The following ST8SIA5 variants were observed in gnomAD, a reference collection of about 807,000 sequenced individuals.
ST8SIA5 encodes ST8 alpha-N-acetyl-neuraminide alpha-2,8-sialyltransferase 5, also known as alpha-2,8-sialyltransferase 8E.
Under a neutral mutation model 40.2 loss-of-function variants are expected in ST8SIA5, and 24 were observed. That is an observed-to-expected ratio of 0.60 (90% CI 0.43 to 0.84). ST8SIA5 has a LOEUF of 0.84. ST8SIA5 is among the 40% of genes least tolerant of loss of function. The pLI, the probability that ST8SIA5 is intolerant of heterozygous loss-of-function variation, is 0.00. For synonymous variants in ST8SIA5, 198 were observed against 201.8 expected, an observed-to-expected ratio of 0.98 and a Z score of 0.16; for missense variants, 465 against 498.5, an observed-to-expected ratio of 0.93 and a Z score of 0.64.
chr18:46,691,362 C>G (rs2039503763), intron 3 of ST8SIA5: 1 of 152,200 alleles, frequency 6.6e-6, no homozygotes, highest in Non-Finnish European at 1.5e-5. Flanking sequence ...AAAGCTTAGT[C>G]ATCTTTGCTT....
chr18:46,691,998 C>T (rs2039510134), intron 3 of ST8SIA5, 171 bp downstream of exon 3: 2 of 654,008 alleles, frequency 3.1e-6, no homozygotes, highest in Admixed American at 2.3e-5. Flanking sequence ...CTGCCTCAGC[C>T]TGCATGTTGA....
At chr18:46,691,137 CTCATGT>C (rs2039501183) in intron 3 of ST8SIA5, among the ~76,000 whole-genome samples, 1 of 152,226 alleles carries the variant, frequency 6.6e-6, no homozygotes, top group African/African-American at 2.4e-5. Flanking sequence ...TTTGCTCAAG[CTCATGT>C]TCTGTTTCTT....
intron 1 of ST8SIA5, among the ~76,000 whole-genome samples, chr18:46,753,928 A>T (rs1323060101): frequency 6.6e-6 from 1 of 152,132 alleles, no homozygotes; most frequent in Non-Finnish European, 1.5e-5. Context: ...ACCCGAAGAC[A>T]GTCAGATTCA....
chr18:46,718,186 C>T (rs1314089694), intron 1 of ST8SIA5, among the ~76,000 whole-genome samples: 10 of 152,074 alleles, frequency 6.6e-5, no homozygotes, highest in South Asian at 2.1e-4. Context: ...AAAAATTAGC[C>T]GGCGCTGGTG....
intron 1 of ST8SIA5, among the ~76,000 whole-genome samples, chr18:46,752,912 A>G (rs548729184): frequency 6.6e-6 from 1 of 152,098 alleles, no homozygotes; most frequent in Non-Finnish European, 1.5e-5. Flanking sequence ...CAGCCTCTCT[A>G]CCTCTTTAAC....
intron 1 of ST8SIA5, among the ~76,000 whole-genome samples, chr18:46,739,645 A>G (rs944549793): frequency 2.0e-5 from 3 of 152,192 alleles, no homozygotes; most frequent in African/African-American, 7.2e-5. Context: ...AGAGACATTC[A>G]AAGATTTCTA....
At chr18:46,755,089 G>T (rs1302138944) in intron 1 of ST8SIA5, among the ~76,000 whole-genome samples, 2 of 152,256 alleles carry the variant, frequency 1.3e-5, no homozygotes, top group Admixed American at 1.3e-4. Context: ...AAGGTCCGGA[G>T]CAGCAACTGG....
chr18:46,748,383 G>A (rs2040162556), intron 1 of ST8SIA5, among the ~76,000 whole-genome samples: 2 of 151,908 alleles, frequency 1.3e-5, no homozygotes, highest in South Asian at 4.2e-4. Flanking sequence ...GGCCAACATG[G>A]TGAAACCCTG....
At chr18:46,716,618 G>T (rs1599128211) in intron 1 of ST8SIA5, among the ~76,000 whole-genome samples, 1 of 152,340 alleles carries the variant, frequency 6.6e-6, no homozygotes, top group East Asian at 1.9e-4. Flanking sequence ...AGTGAGGCCA[G>T]CCAAGGAGCC....
At position 46,673,124 on chromosome 18, in the gene ST8SIA5, A is replaced by T. The variant is rs1428804409; in HGVS notation, c.*6918T>A. ...GGGTTTAAAGTTTTCATTTTGCAAG[A>T]TGAGAAGAGTTCCAGAGACAGAATA... On this transcript the variant is annotated 3_prime_UTR_variant, in exon 7 of 7. Transcript: ENST00000315087. The T allele has an allele frequency of 6.6e-6, 1 of 152,212 alleles. No homozygotes were observed. Among genetic ancestry groups the T allele is most frequent in the Non-Finnish European group, 1.5e-5 (1 of 68,044 alleles). 9.4% of individuals were successfully genotyped at this position (152,212 alleles called of 1,614,324 possible).
At chr18:46,749,274 A>C (rs2040172759) in intron 1 of ST8SIA5, among the ~76,000 whole-genome samples, 1 of 152,188 alleles carries the variant, frequency 6.6e-6, no homozygotes, top group African/African-American at 2.4e-5. Context: ...AGTAATGAAA[A>C]TGTCCTAAAA....
intron 1 of ST8SIA5, among the ~76,000 whole-genome samples, chr18:46,712,729 G>A (rs972522554): frequency 1.8e-4 from 28 of 152,318 alleles, no homozygotes; most frequent in Middle Eastern, 3.4e-3. Context: ...AGGCCAGGAT[G>A]CACTGATGAA....
intron 3 of ST8SIA5, 192 bp from the exon 4 acceptor site, chr18:46,689,111 T>C (rs2039477880): frequency 1.8e-6 from 1 of 546,922 alleles, no homozygotes; most frequent in African/African-American, 1.9e-5. Flanking sequence ...CCACCCTGCA[T>C]GGAGCCGAGG....
Position 46,680,348 on chromosome 18 carries a change from GT to G in ST8SIA5, c.824del (p.Tyr275SerfsTer52), listed in dbSNP as rs1462122451. On this transcript the variant is annotated frameshift_variant, in exon 7 of 7. Coordinates refer to ENST00000315087, the MANE Select transcript of ST8SIA5 (RefSeq NM_013305.6). LOFTEE classifies it high-confidence loss of function. ...LDDFESPQAV[Y>X]YFHPQYLVNV... Reference sequence around the variant, plus strand: ...TGACCAGGTACTGCGGATGGAAGTAGTAGACAGCTTGCGGCGATTCGAAGTC... The same window carrying G: ...TGACCAGGTACTGCGGATGGAAGTAGAGACAGCTTGCGGCGATTCGAAGTC... 1 of 1,614,134 alleles carries G rather than the reference GT, an allele frequency of 6.2e-7. No individual in the cohort carries two copies. The highest frequency in any genetic ancestry group is 8.5e-7 in the Non-Finnish European group (1 of 1,180,056).
At chr18:46,695,003 A>G (rs2039543263) in intron 2 of ST8SIA5, among the ~76,000 whole-genome samples, 1 of 152,048 alleles carries the variant, frequency 6.6e-6, no homozygotes, top group Admixed American at 6.5e-5. Context: ...CACTAAAAAT[A>G]CAAAAATTAG....
intron 1 of ST8SIA5, among the ~76,000 whole-genome samples, chr18:46,709,112 T>A (rs961371102): frequency 2.6e-5 from 4 of 152,194 alleles, no homozygotes; most frequent in African/African-American, 9.6e-5. Flanking sequence ...GTTGCTATGG[T>A]CTAAATGTCT....
chr18:46,704,722 C>T, intron 1 of ST8SIA5, 58 bp from the exon 2 acceptor site: 1 of 1,419,468 alleles, frequency 7.0e-7, no homozygotes, highest in Non-Finnish European at 1.0e-6. Flanking sequence ...CCAGGGCCTG[C>T]AGGGGCTCTT....
In ST8SIA5 at chr18:46,756,399, T is replaced by C; in HGVS notation, c.110A>G (p.Tyr37Cys). 1 of 1,612,850 alleles carries C rather than the reference T, an allele frequency of 6.2e-7. No individual in the cohort carries two copies. The highest frequency in any genetic ancestry group is 1.7e-4 in the Middle Eastern group (1 of 6,058). The change falls in exon 1 of 7, where the codon TAT becomes TGT. Residue 37 changes from tyrosine (Y) to cysteine (C), a missense_variant. Coordinates refer to ENST00000315087, the MANE Select transcript of ST8SIA5 (RefSeq NM_013305.6). ...TTACCTCTTAATGTAGTTCCTGCCA[T>C]ACAGGATCTGTTGCAGCAAGGTCAC... ...ALVTLLQQIL[Y>C]GRNYIKRYFE...
At position 46,679,238 on chromosome 18, in the gene ST8SIA5, A is replaced by G. The variant is rs532625205; in HGVS notation, c.*804T>C. ...AGTCAATAACATTGGCTTGGAAGCC[A>G]TAGTGCAAGTGGCTGGTTTGGTTTA... On this transcript the variant is annotated 3_prime_UTR_variant, in exon 7 of 7. Transcript: ENST00000315087. 2.0e-5 allele frequency: 3 copies of G among 152,376 alleles called. No homozygotes were observed. Among genetic ancestry groups the G allele is most frequent in the Admixed American group, 1.3e-4 (2 of 15,308 alleles). 9.4% of individuals were successfully genotyped at this position (152,376 alleles called of 1,614,324 possible).
Sources: gnomAD v4.1 joint callset for allele counts (sites outside exome capture counted in the v4.1 genomes callset) on GRCh38, gnomAD v4.1.1 for gene constraint, MANE v1.5 for transcripts, NCBI Gene and HGNC (gene_info 2026-07-23, HGNC 2026-07-21) for gene names.